The following MACROH2A2 variants were observed in gnomAD, a reference collection of about 807,000 sequenced individuals.
The protein encoded by MACROH2A2 is core histone macro-H2A.2.
MACROH2A2 carries 6 observed loss-of-function variants against 37.6 expected under a neutral mutation model. The ratio of observed to expected loss-of-function variants is 0.16; its 90% CI spans 0.09 to 0.32. MACROH2A2 has a LOEUF of 0.32. Ranked by LOEUF, MACROH2A2 falls within the 10% of genes least tolerant of loss-of-function variation. The pLI is 1.00. For missense variants in MACROH2A2, 290 were observed against 485.9 expected (o/e 0.60, Z 3.79); for synonymous variants, 192 against 202.7 (o/e 0.95, Z 0.45).
chr10:70,086,680 G>T (rs973896683), intron 2 of MACROH2A2, among the ~76,000 whole-genome samples: 6 of 152,198 alleles, frequency 3.9e-5, no homozygotes, highest in African/African-American at 1.2e-4. Context: ...CAGGAGAGAG[G>T]AAAGTAATGA....
At chr10:70,069,630 G>A (rs1423390007) in intron 1 of MACROH2A2, among the ~76,000 whole-genome samples, 2 of 152,100 alleles carry the variant, frequency 1.3e-5, no homozygotes, top group African/African-American at 2.4e-5. Context: ...TTAGTGTATT[G>A]TAGTCCTTAA....
chr10:70,089,858 G>A (rs2072233070), intron 2 of MACROH2A2, among the ~76,000 whole-genome samples: 1 of 152,022 alleles, frequency 6.6e-6, no homozygotes, highest in Admixed American at 6.6e-5. Flanking sequence ...TCCTGGCTGG[G>A]CTCAAGCGAT....
intron 1 of MACROH2A2, among the ~76,000 whole-genome samples, chr10:70,072,894 T>C (rs2072118680): frequency 6.6e-6 from 1 of 152,102 alleles, no homozygotes; most frequent in Admixed American, 6.5e-5. Context: ...GAGGCAGAAG[T>C]TGCAATGAGC....
rs184769087 is a variant in MACROH2A2, at chr10:70,107,388, C to T, written c.779-1645C>T. ...CAACCCCACACACAGCTCTGGAATA[C>T]GGCGGACACACGTTTCTGTTACAAG... On this transcript the variant is annotated intron_variant, in intron 7 of 8. Transcript: ENST00000373255. This position sits in a 1 kb window ranked among gnomAD's most constrained non-coding sequence, Gnocchi z 4.4. 8.3e-4 allele frequency among the ~76,000 whole-genome samples: 127 copies of T among 152,332 alleles called. No individual in the cohort carries two copies. Among genetic ancestry groups the T allele is most frequent in the African/African-American group, 3.0e-3 (123 of 41,572 alleles).
chr10:70,073,638 G>T (rs1422953175), intron 1 of MACROH2A2, among the ~76,000 whole-genome samples: 1 of 152,094 alleles, frequency 6.6e-6, no homozygotes, highest in African/African-American at 2.4e-5. Context: ...CATTCACCTC[G>T]GGGACAGGTG....
chr10:70,054,910 A>C, intron 1 of MACROH2A2, among the ~76,000 whole-genome samples: 1 of 152,148 alleles, frequency 6.6e-6, no homozygotes, highest in East Asian at 1.9e-4. Context: ...TACCACAGTT[A>C]CACCTCACCT....
At chr10:70,096,115 C>T (rs534109781) in intron 6 of MACROH2A2, among the ~76,000 whole-genome samples, 3 of 152,154 alleles carry the variant, frequency 2.0e-5, no homozygotes, top group Non-Finnish European at 4.4e-5. Flanking sequence ...CCAAGGGTAA[C>T]CACTGTCCTT....
chr10:70,068,675 A>G (rs1216789039), intron 1 of MACROH2A2, among the ~76,000 whole-genome samples: 1 of 152,192 alleles, frequency 6.6e-6, no homozygotes, highest in African/African-American at 2.4e-5. Context: ...AGTGCACCCT[A>G]CTGTTGAAAC....
At chr10:70,055,413 TTTG>T (rs2072009055) in intron 1 of MACROH2A2, among the ~76,000 whole-genome samples, 1 of 152,220 alleles carries the variant, frequency 6.6e-6, no homozygotes, top group South Asian at 2.1e-4. Context: ...TGTTGTTTGT[TTTG>T]TTGTTGTTTT....
At chr10:70,092,007 ATGTC>A (rs2072248218) in intron 4 of MACROH2A2, 53 bp downstream of exon 4, 1 of 1,381,634 alleles carries the variant, frequency 7.2e-7, no homozygotes, top group Non-Finnish European at 1.0e-6. Context: ...AATGGTCTGA[ATGTC>A]TGTGTTCCCC....
At chr10:70,085,272 A>G (rs1210863128) in intron 2 of MACROH2A2, among the ~76,000 whole-genome samples, 1 of 152,194 alleles carries the variant, frequency 6.6e-6, no homozygotes. Flanking sequence ...TTACCTGTGA[A>G]GCCCCCAGGT....
intron 1 of MACROH2A2, among the ~76,000 whole-genome samples, chr10:70,065,357 G>T (rs772920828): frequency 1.3e-5 from 2 of 152,066 alleles, no homozygotes; most frequent in African/African-American, 4.8e-5. Context: ...GATTATAAGC[G>T]TAAGCCACCG....
chr10:70,064,567 CAT>C (rs1418557273), intron 1 of MACROH2A2, among the ~76,000 whole-genome samples: 4 of 152,006 alleles, frequency 2.6e-5, no homozygotes, highest in Admixed American at 1.3e-4. Context: ...AGAATTCCCA[CAT>C]GTTGTGGGAG....
chr10:70,091,713 T>A, intron 3 of MACROH2A2, 44 bp from the exon 4 acceptor site: 71 of 1,134,220 alleles, frequency 6.3e-5, no homozygotes, highest in Non-Finnish European at 8.5e-5. Flanking sequence ...AATTGGGAAC[T>A]AGCAGGCTGT....
At position 70,094,537 on chromosome 10, in the gene MACROH2A2, C is replaced by T. The variant is rs550014776; in HGVS notation, c.588+692C>T. ...TGGTAGCTGAATGTTTCCATCTTGA[C>T]AACACAGTAAGCCTCCATTCAAAGA... is the stretch of plus-strand genomic sequence containing the variant. On this transcript the variant is annotated intron_variant, in intron 5 of 8. Coordinates refer to ENST00000373255, the MANE Select transcript of MACROH2A2 (RefSeq NM_018649.3). 3.6e-4 allele frequency among the ~76,000 whole-genome samples: 55 copies of T among 152,318 alleles called. 1 individual carries two copies. The South Asian group carries it at 0.011, about 31-fold the overall frequency.
Position 70,075,836 on chromosome 10 carries a change from G to A in MACROH2A2, c.172+6G>A, listed in dbSNP as rs780986552. The A allele has an allele frequency of 4.3e-6, 7 of 1,611,090 alleles. No homozygotes were observed. The highest frequency in any genetic ancestry group is 2.2e-5 in the South Asian group (2 of 90,702). Reference sequence around the variant, plus strand: ...AGTCATTGAGTACCTGGCAGGTAATGAGGACACGCAAAGGAGGCTGCCTGC... The same window carrying A: ...AGTCATTGAGTACCTGGCAGGTAATAAGGACACGCAAAGGAGGCTGCCTGC... On this transcript the variant is annotated splice_donor_region_variant and intron_variant, in intron 2 of 8. Transcript: ENST00000373255. This position sits in a 1 kb window ranked among gnomAD's most constrained non-coding sequence, Gnocchi z 5.0.
intron 7 of MACROH2A2, among the ~76,000 whole-genome samples, chr10:70,108,512 C>T (rs2072350932): frequency 6.6e-6 from 1 of 152,224 alleles, no homozygotes; most frequent in Non-Finnish European, 1.5e-5. Context: ...ACGGCCTTCT[C>T]CTGCCTTTGA....
At chr10:70,099,069 C>A (rs1400906545) in intron 6 of MACROH2A2, 1 of 152,244 alleles carries the variant, frequency 6.6e-6, no homozygotes, top group Non-Finnish European at 1.5e-5. Flanking sequence ...ACCCGGCCTT[C>A]TCCAGGCTTC....
intron 6 of MACROH2A2, among the ~76,000 whole-genome samples, chr10:70,098,020 C>T (rs996997235): frequency 1.3e-5 from 2 of 151,930 alleles, no homozygotes; most frequent in South Asian, 2.1e-4. Flanking sequence ...GGTGGGCGGA[C>T]CACTTGAGCT....
Sources: gnomAD v4.1 joint callset for allele counts (sites outside exome capture counted in the v4.1 genomes callset) on GRCh38, gnomAD v4.1.1 for gene constraint, Gnocchi (gnomAD v3.1) non-coding constraint, MANE v1.5 for transcripts, NCBI Gene and HGNC (gene_info 2026-07-23, HGNC 2026-07-21) for gene names.